NEGR1: variants seen among roughly 807,000 people sequenced by gnomAD.
NEGR1 encodes neuronal growth regulator 1, also known as IgLON family member 4.
In NEGR1, 10 loss-of-function variants were observed where a neutral mutation model predicts 40.9. The observed-to-expected ratio is 0.24, with a 90% CI of 0.15 to 0.42. NEGR1 has a LOEUF of 0.42. Among genes scored for constraint, NEGR1 ranks in the 10% least tolerant of loss-of-function variants. The pLI, the probability that NEGR1 is intolerant of heterozygous loss-of-function variation, is 1.00. For missense variants in NEGR1, 352 were observed against 438.9 expected, an observed-to-expected ratio of 0.80 and a Z score of 1.77; for synonymous variants, 185 against 166.8, an observed-to-expected ratio of 1.11 and a Z score of -0.84.
intron 4 of NEGR1, among the ~76,000 whole-genome samples, chr1:71,641,524 C>T (rs766089672): frequency 6.6e-6 from 1 of 151,954 alleles, no homozygotes; most frequent in Non-Finnish European, 1.5e-5. Context: ...TTATTTGCAA[C>T]CAAATGAGAC....
intron 6 of NEGR1, among the ~76,000 whole-genome samples, chr1:71,556,766 GC>G (rs1648267560): frequency 6.6e-6 from 1 of 151,412 alleles, no homozygotes; most frequent in Non-Finnish European, 1.5e-5. Flanking sequence ...ATAAACCGTG[GC>G]TGGGAGAGGG....
chr1:71,620,044 A>G (rs564242469), intron 4 of NEGR1, among the ~76,000 whole-genome samples: 1 of 152,172 alleles, frequency 6.6e-6, no homozygotes, highest in Non-Finnish European at 1.5e-5. Flanking sequence ...AGGTAGTTGA[A>G]ATGAAACTTT....
At chr1:71,775,720 G>T (rs1406557668) in intron 3 of NEGR1, among the ~76,000 whole-genome samples, 1 of 150,720 alleles carries the variant, frequency 6.6e-6, no homozygotes, top group Non-Finnish European at 1.5e-5. Flanking sequence ...GGCCAGGCGC[G>T]ATGGCTCATG....
chr1:72,256,211 C>T (rs886251002), intron 1 of NEGR1, among the ~76,000 whole-genome samples: 5 of 152,156 alleles, frequency 3.3e-5, no homozygotes, highest in African/African-American at 1.2e-4. Context: ...AGATTTTCAC[C>T]TTTTCAACTG....
At chr1:72,130,432 A>T (rs768282206) in intron 1 of NEGR1, among the ~76,000 whole-genome samples, 16 of 152,202 alleles carry the variant, frequency 1.1e-4, no homozygotes, top group Admixed American at 2.6e-4. Flanking sequence ...ATACTGGAGT[A>T]CAACGTCACT....
chr1:71,940,879 T>C (rs1039138744), intron 1 of NEGR1, among the ~76,000 whole-genome samples: 3 of 152,164 alleles, frequency 2.0e-5, no homozygotes, highest in African/African-American at 7.2e-5. Flanking sequence ...TCTACTTATA[T>C]CTCAAATTCT....
At chr1:71,719,644 T>C (rs1432358301) in intron 3 of NEGR1, among the ~76,000 whole-genome samples, 2 of 152,090 alleles carry the variant, frequency 1.3e-5, no homozygotes, top group Admixed American at 6.6e-5. Flanking sequence ...ATTATTATTA[T>C]ACTTTAAGTT....
intron 3 of NEGR1, among the ~76,000 whole-genome samples, chr1:71,734,167 C>G (rs1024509766): frequency 6.6e-6 from 1 of 152,124 alleles, no homozygotes. Context: ...TGATTTTTCT[C>G]AGGTTCAACA....
intron 1 of NEGR1, among the ~76,000 whole-genome samples, chr1:71,946,605 T>C (rs1646021860): frequency 6.6e-6 from 1 of 152,164 alleles, no homozygotes; most frequent in Non-Finnish European, 1.5e-5. Context: ...CTGATATTAT[T>C]CTACTTATCC....
In NEGR1 at chr1:71,918,153, G is replaced by C. The variant is rs893383239; in HGVS notation, c.409+16926C>G. Among the ~76,000 whole-genome samples the C allele has an allele frequency of 3.7e-5, 5 of 135,912 alleles. No homozygotes were observed. The South Asian group carries it at 1.0e-3, about 27-fold the overall frequency. The allele number at this position is 135,912 out of a possible 152,430, so 89.2% of individuals were successfully genotyped here. On this transcript the variant is annotated intron_variant, in intron 2 of 6. Transcript: ENST00000357731. Reference sequence around the variant, plus strand: ...AATGGCGTGAACCCGGGAGGCAGAGGTTGCAGTGAGCCGAGATTGCGCCAC... The same window carrying C: ...AATGGCGTGAACCCGGGAGGCAGAGCTTGCAGTGAGCCGAGATTGCGCCAC...
chr1:72,216,378 T>G (rs1361659806), intron 1 of NEGR1, among the ~76,000 whole-genome samples: 4 of 93,572 alleles, frequency 4.3e-5, no homozygotes, highest in African/African-American at 1.1e-4. Context: ...AAGTTATATA[T>G]ATATACATAT....
chr1:71,646,024 C>T (rs1651518840), intron 4 of NEGR1, among the ~76,000 whole-genome samples: 1 of 151,824 alleles, frequency 6.6e-6, no homozygotes, highest in South Asian at 2.1e-4. Context: ...ATACTAGTGA[C>T]ATTTTGCCCC....
At chr1:71,959,051 T>C (rs1295100682) in intron 1 of NEGR1, among the ~76,000 whole-genome samples, 1 of 152,180 alleles carries the variant, frequency 6.6e-6, no homozygotes, top group Non-Finnish European at 1.5e-5. Flanking sequence ...CTTTTGCTGA[T>C]ATGATCTCAC....
chr1:71,810,590 T>C (rs936931125), intron 2 of NEGR1, among the ~76,000 whole-genome samples: 1 of 152,142 alleles, frequency 6.6e-6, no homozygotes, highest in Admixed American at 6.6e-5. Flanking sequence ...CTATCTCCGC[T>C]CAAACCTCAT....
chr1:71,683,080 G>C (rs1371237319), intron 4 of NEGR1, among the ~76,000 whole-genome samples: 4 of 152,132 alleles, frequency 2.6e-5, no homozygotes, highest in Non-Finnish European at 4.4e-5. Context: ...AATGGACTAA[G>C]AGGCTGCAGA....
intron 5 of NEGR1, among the ~76,000 whole-genome samples, chr1:71,599,576 A>G (rs1649849468): frequency 6.6e-6 from 1 of 152,188 alleles, no homozygotes. Flanking sequence ...ATATGATATC[A>G]TTTATTCCTA....
intron 1 of NEGR1, among the ~76,000 whole-genome samples, chr1:72,103,908 CA>C (rs1479384598): frequency 1.3e-5 from 2 of 152,018 alleles, no homozygotes; most frequent in East Asian, 3.9e-4. Context: ...TGATGCTATA[CA>C]GACAAAATTT....
chr1:71,688,541 C>T (rs61766971), intron 4 of NEGR1, among the ~76,000 whole-genome samples: 3,586 of 148,618 alleles, frequency 0.024, 75 homozygotes, highest in Non-Finnish European at 0.037. Flanking sequence ...TCACTGCAAC[C>T]TCTCCCTCCC....
At chr1:72,242,702 CTTTAA>C (rs1377672275) in intron 1 of NEGR1, among the ~76,000 whole-genome samples, 3 of 151,560 alleles carry the variant, frequency 2.0e-5, no homozygotes, top group African/African-American at 4.8e-5. Context: ...TACATGTGTT[CTTTAA>C]TTTAATCCCA....
Sources: allele counts gnomAD v4.1 joint callset (sites outside exome capture counted in the v4.1 genomes callset), GRCh38; gene constraint gnomAD v4.1.1; transcripts MANE v1.5; gene names NCBI Gene and HGNC (gene_info 2026-07-23, HGNC 2026-07-21).